Variants in THSD7B observed in about 807,000 individuals in gnomAD.
THSD7B encodes the protein thrombospondin type-1 domain-containing protein 7B.
In THSD7B, 138 loss-of-function variants were observed where a neutral mutation model predicts 213.6. That is an observed-to-expected ratio of 0.65 (90% CI 0.56 to 0.74). The LOEUF (loss-of-function observed/expected upper bound fraction) is 0.74. THSD7B is among the 30% of genes least tolerant of loss of function. The pLI, the probability that THSD7B is intolerant of heterozygous loss-of-function variation, is 0.00. For synonymous variants in THSD7B, 742 were observed against 687.0 expected (o/e 1.08, Z -1.25); for missense variants, 1,931 against 1,991.5 (o/e 0.97, Z 0.58).
At chr2:137,481,025 G>A (rs1688295180) in intron 15 of THSD7B, among the ~76,000 whole-genome samples, 1 of 152,174 alleles carries the variant, frequency 6.6e-6, no homozygotes, top group Non-Finnish European at 1.5e-5. Flanking sequence ...TTTCTGCCAT[G>A]TGAGGATACA....
At chr2:137,191,241 C>T (rs967366767) in intron 7 of THSD7B, among the ~76,000 whole-genome samples, 9 of 152,110 alleles carry the variant, frequency 5.9e-5, no homozygotes, top group East Asian at 5.8e-4. Context: ...CCATTGGTGG[C>T]GGGATTTGTG....
chr2:137,138,283 G>T (rs1311670390), intron 5 of THSD7B, among the ~76,000 whole-genome samples: 2 of 152,040 alleles, frequency 1.3e-5, no homozygotes, highest in Non-Finnish European at 2.9e-5. Flanking sequence ...AGTTTGATAG[G>T]ATTTCTGGAA....
chr2:137,500,941 T>G lies in THSD7B; in HGVS notation c.3138+49918T>G, dbSNP rs146696280. On this transcript the variant is annotated intron_variant, in intron 15 of 27. Transcript: ENST00000409968. The stretch of plus-strand genomic sequence containing the variant: ...ACTTAGTACCTTTTATGTTTCATGG[T>G]TTTTTTTTATATTAGAAAGGTTTAA... Among the ~76,000 whole-genome samples, 773 of 142,088 alleles carry G rather than the reference T, an allele frequency of 5.4e-3. 5 individuals carry two copies. Among genetic ancestry groups the G allele is most frequent in the African/African-American group, 0.018 (714 of 40,598 alleles). 93.2% of individuals were successfully genotyped at this position (142,088 alleles called of 152,430 possible). A position where few individuals can be genotyped will look rare whatever the true frequency, so the allele number is the denominator to read the frequency against.
chr2:136,766,347 C>T (rs927221033), intron 1 of THSD7B, among the ~76,000 whole-genome samples: 5 of 148,834 alleles, frequency 3.4e-5, no homozygotes, highest in Non-Finnish European at 1.5e-5. Flanking sequence ...AAGCTGGGCT[C>T]GGACGTGATA....
intron 15 of THSD7B, among the ~76,000 whole-genome samples, chr2:137,454,821 A>G (rs950573833): frequency 6.6e-6 from 1 of 151,980 alleles, no homozygotes; most frequent in Admixed American, 6.6e-5. Context: ...CTCCTGTCCA[A>G]TTTGTTTCAG....
chr2:137,036,300 T>C (rs1257900871), intron 2 of THSD7B, among the ~76,000 whole-genome samples: 1 of 152,190 alleles, frequency 6.6e-6, no homozygotes, highest in East Asian at 1.9e-4. Context: ...GAGCTTTTAA[T>C]GAAATGTCAA....
intron 12 of THSD7B, among the ~76,000 whole-genome samples, chr2:137,346,484 C>A (rs1001937354): frequency 6.1e-5 from 9 of 147,870 alleles, no homozygotes; most frequent in African/African-American, 2.3e-4. Flanking sequence ...TCCATTCTCT[C>A]TCTCTCTCTC....
intron 14 of THSD7B, among the ~76,000 whole-genome samples, chr2:137,441,974 T>C (rs1237512183): frequency 6.6e-6 from 1 of 152,126 alleles, no homozygotes; most frequent in Admixed American, 6.6e-5. Flanking sequence ...AGTATGTCAC[T>C]TTCATCATAT....
chr2:137,435,463 C>T (rs1358518423), intron 14 of THSD7B, among the ~76,000 whole-genome samples: 2 of 152,176 alleles, frequency 1.3e-5, no homozygotes, highest in Admixed American at 6.5e-5. Flanking sequence ...TCACTATGCA[C>T]AGAGATCTTA....
chr2:137,070,932 T>C (rs954472305), intron 3 of THSD7B, among the ~76,000 whole-genome samples: 1 of 152,214 alleles, frequency 6.6e-6, no homozygotes, highest in African/African-American at 2.4e-5. Flanking sequence ...AAAGTGTATA[T>C]GTGCCACATT....
intron 27 of THSD7B, among the ~76,000 whole-genome samples, chr2:137,672,169 GA>G (rs982873790): frequency 4.4e-4 from 67 of 151,708 alleles, no homozygotes; most frequent in African/African-American, 1.6e-3. Context: ...AACAGTATAG[GA>G]AAAAAAATCT....
intron 9 of THSD7B, among the ~76,000 whole-genome samples, chr2:137,239,203 C>T (rs1007700196): frequency 6.6e-6 from 1 of 152,114 alleles, no homozygotes; most frequent in African/African-American, 2.4e-5. Flanking sequence ...AATCTATACA[C>T]CCTTCACTCG....
intron 14 of THSD7B, among the ~76,000 whole-genome samples, chr2:137,427,970 G>T (rs1415261830): frequency 1.3e-5 from 2 of 151,960 alleles, no homozygotes; most frequent in African/African-American, 4.8e-5. Context: ...ATTTTTATTT[G>T]TCAATTATAT....
intron 15 of THSD7B, among the ~76,000 whole-genome samples, chr2:137,463,245 T>C (rs532704542): frequency 3.9e-5 from 6 of 152,224 alleles, no homozygotes; most frequent in African/African-American, 1.4e-4. Flanking sequence ...AAGACAGAAA[T>C]TGTGGTTGCT....
chr2:137,065,606 C>G (rs991008557), intron 3 of THSD7B, among the ~76,000 whole-genome samples: 1 of 152,006 alleles, frequency 6.6e-6, no homozygotes, highest in Non-Finnish European at 1.5e-5. Flanking sequence ...GTTTTCATTT[C>G]ACTTATTTAT....
At chr2:137,153,616 C>T (rs1484069894) in intron 5 of THSD7B, among the ~76,000 whole-genome samples, 2 of 152,012 alleles carry the variant, frequency 1.3e-5, no homozygotes, top group Non-Finnish European at 2.9e-5. Flanking sequence ...TTTGCAAATC[C>T]CAGTGACAAC....
chr2:137,613,235 T>C (rs539577263), intron 17 of THSD7B, among the ~76,000 whole-genome samples: 4 of 152,288 alleles, frequency 2.6e-5, no homozygotes, highest in African/African-American at 9.6e-5. Context: ...AGTCTCTCTT[T>C]CGTGAATTGC....
At chr2:137,142,953 G>A (rs1679619223) in intron 5 of THSD7B, among the ~76,000 whole-genome samples, 1 of 152,122 alleles carries the variant, frequency 6.6e-6, no homozygotes, top group Non-Finnish European at 1.5e-5. Flanking sequence ...CATGCAGAAA[G>A]TTACATTAAC....
intron 2 of THSD7B, among the ~76,000 whole-genome samples, chr2:136,891,676 C>G (rs929814890): frequency 6.6e-6 from 1 of 152,188 alleles, no homozygotes; most frequent in African/African-American, 2.4e-5. Context: ...TCTGCCCATC[C>G]AAGCTGGGTC....
Sources: gnomAD v4.1 joint callset for allele counts (sites outside exome capture counted in the v4.1 genomes callset) on GRCh38, gnomAD v4.1.1 for gene constraint, MANE v1.5 for transcripts, NCBI Gene and HGNC (gene_info 2026-07-23, HGNC 2026-07-21) for gene names.